The following WWOX variants were observed in gnomAD, a reference collection of about 807,000 sequenced individuals.
The protein encoded by WWOX is WW domain containing oxidoreductase.
Under a neutral mutation model 46.2 loss-of-function variants are expected in WWOX, and 69 were observed. The observed-to-expected ratio is 1.49, with a 90% CI of 1.23 to 1.82. The LOEUF (loss-of-function observed/expected upper bound fraction) is 1.82, where lower values mean the gene tolerates loss of function less well. Ranked by LOEUF, WWOX falls within the 40% of genes most tolerant of loss-of-function variation. The probability of loss-of-function intolerance (pLI) is 0.00; values close to 1 mark genes in which losing one functional copy is unlikely to be tolerated. For synonymous variants in WWOX, 359 were observed against 202.6 expected (o/e 1.77, Z -6.56); for missense variants, 919 against 542.6 (o/e 1.69, Z -6.89).
chr16:78,994,886 A>C (rs1306220349), intron 8 of WWOX, among the ~76,000 whole-genome samples: 1 of 151,634 alleles, frequency 6.6e-6, no homozygotes, highest in Non-Finnish European at 1.5e-5. Flanking sequence ...AAAAAGGTGG[A>C]AAGAAATACT....
chr16:79,112,540 C>A (rs953465556), intron 8 of WWOX, among the ~76,000 whole-genome samples: 2 of 152,172 alleles, frequency 1.3e-5, no homozygotes, highest in African/African-American at 4.8e-5. Context: ...AAACCAACAT[C>A]CCCGGCAAAC....
intron 5 of WWOX, among the ~76,000 whole-genome samples, chr16:78,213,971 T>G (rs2036639060): frequency 6.6e-6 from 1 of 152,104 alleles, no homozygotes; most frequent in Admixed American, 6.5e-5. Context: ...TACAGCTGCC[T>G]CTGCTCTTCT....
intron 8 of WWOX, among the ~76,000 whole-genome samples, chr16:78,624,746 C>G (rs575781642): frequency 5.3e-5 from 8 of 152,148 alleles, no homozygotes; most frequent in Non-Finnish European, 1.2e-4. Flanking sequence ...CTCCAGCACC[C>G]TGGCTGGAAA....
At chr16:78,837,647 C>G (rs1261910578) in intron 8 of WWOX, among the ~76,000 whole-genome samples, 1 of 151,958 alleles carries the variant, frequency 6.6e-6, no homozygotes, top group Non-Finnish European at 1.5e-5. Context: ...TATTGGTGAA[C>G]CAAATATTTT....
intron 8 of WWOX, among the ~76,000 whole-genome samples, chr16:78,833,934 G>A (rs773047420): frequency 6.6e-6 from 1 of 152,258 alleles, no homozygotes; most frequent in Non-Finnish European, 1.5e-5. Flanking sequence ...GCCAAGGACT[G>A]TGTCTTATTC....
At chr16:78,858,657 G>A (rs1308691604) in intron 8 of WWOX, among the ~76,000 whole-genome samples, 1 of 151,922 alleles carries the variant, frequency 6.6e-6, no homozygotes, top group Non-Finnish European at 1.5e-5. Context: ...TACCTGTCAT[G>A]TTTGAATTGT....
At chr16:78,854,813 C>G (rs554820716) in intron 8 of WWOX, among the ~76,000 whole-genome samples, 1 of 152,112 alleles carries the variant, frequency 6.6e-6, no homozygotes, top group Non-Finnish European at 1.5e-5. Context: ...AACCCCCGAC[C>G]TCAGGTGATC....
intron 8 of WWOX, among the ~76,000 whole-genome samples, chr16:79,049,856 T>A (rs1052412239): frequency 4.7e-5 from 7 of 149,342 alleles, no homozygotes; most frequent in African/African-American, 1.5e-4. Context: ...AAAAAAAAGT[T>A]ACTTCTGAGT....
intron 5 of WWOX, among the ~76,000 whole-genome samples, chr16:78,251,430 A>G (rs945118637): frequency 1.3e-5 from 2 of 152,128 alleles, no homozygotes; most frequent in Non-Finnish European, 2.9e-5. Flanking sequence ...CATTGCTGTC[A>G]ACTGCTCGTT....
chr16:79,033,112 A>C (rs2151398968), intron 8 of WWOX, among the ~76,000 whole-genome samples: 1 of 149,388 alleles, frequency 6.7e-6, no homozygotes, highest in African/African-American at 2.4e-5. Flanking sequence ...ATTATTTTTT[A>C]AGGCTGCATA....
At chr16:78,744,422 C>CTTTTTTTTTTT (rs976073233) in intron 8 of WWOX, among the ~76,000 whole-genome samples, 27 of 82,238 alleles carry the variant, frequency 3.3e-4, no homozygotes, top group African/African-American at 1.6e-3. Context: ...GTCCACACTG[C>CTTTTTTTTTTT]TTTTTTTTTT....
chr16:78,875,296 C>T (rs555456453), intron 8 of WWOX, among the ~76,000 whole-genome samples: 2 of 152,296 alleles, frequency 1.3e-5, no homozygotes, highest in Admixed American at 6.5e-5. Context: ...CTGTTAAAAA[C>T]CCCAGTGTGC....
At chr16:79,012,420 A>G (rs2047328944) in intron 8 of WWOX, among the ~76,000 whole-genome samples, 1 of 152,120 alleles carries the variant, frequency 6.6e-6, no homozygotes, top group South Asian at 2.1e-4. Context: ...TTTAGTAGAG[A>G]TGGGGTTTCA....
chr16:78,362,993 A>C (rs1229137649), intron 5 of WWOX, among the ~76,000 whole-genome samples: 2 of 152,178 alleles, frequency 1.3e-5, no homozygotes, highest in Non-Finnish European at 2.9e-5. Flanking sequence ...GCAATATTCA[A>C]GTCTTCAGTT....
intron 8 of WWOX, among the ~76,000 whole-genome samples, chr16:78,880,669 A>T (rs1181366277): frequency 1.3e-5 from 2 of 152,332 alleles, no homozygotes; most frequent in Non-Finnish European, 2.9e-5. Context: ...CACTTGCCGA[A>T]CTTGCTGATG....
At chr16:78,416,844 A>G (rs2082808577) in intron 6 of WWOX, among the ~76,000 whole-genome samples, 1 of 152,228 alleles carries the variant, frequency 6.6e-6, no homozygotes, top group Non-Finnish European at 1.5e-5. Context: ...ACTTCTCACA[A>G]CCATGGGAGG....
chr16:78,865,266 C>T (rs1036953624), intron 8 of WWOX, among the ~76,000 whole-genome samples: 1 of 151,766 alleles, frequency 6.6e-6, no homozygotes, highest in Non-Finnish European at 1.5e-5. Context: ...ATTTTTTTCC[C>T]TTCTTCACTT....
chr16:78,224,245 C>T (rs575733089), intron 5 of WWOX, among the ~76,000 whole-genome samples: 1 of 152,024 alleles, frequency 6.6e-6, no homozygotes, highest in South Asian at 2.1e-4. Context: ...CCTCGTGATC[C>T]GCCTGCCTCG....
At chr16:78,891,244 C>T (rs1010802309) in intron 8 of WWOX, 10 of 152,106 alleles carry the variant, frequency 6.6e-5, no homozygotes, top group African/African-American at 2.4e-4. Flanking sequence ...TATGTAATTT[C>T]AGGTTTAGGA....
Sources: allele counts gnomAD v4.1 joint callset (sites outside exome capture counted in the v4.1 genomes callset), GRCh38; gene constraint gnomAD v4.1.1; transcripts MANE v1.5; gene names NCBI Gene and HGNC (gene_info 2026-07-23, HGNC 2026-07-21).